The following NAALADL2 variants were observed in gnomAD, a reference collection of about 807,000 sequenced individuals.
The protein encoded by NAALADL2 is inactive N-acetylated-alpha-linked acidic dipeptidase-like protein 2.
In NAALADL2, 76 loss-of-function variants were observed where a neutral mutation model predicts 87.2. The observed-to-expected ratio is 0.87, with a 90% confidence interval of 0.72 to 1.05. The LOEUF is 1.05. Ranked by LOEUF, NAALADL2 falls within the 50% of genes least tolerant of loss-of-function variation. The pLI, the probability that NAALADL2 is intolerant of heterozygous loss-of-function variation, is 0.00. For missense variants in NAALADL2, 1,089 were observed against 945.8 expected (o/e 1.15, Z -1.99); for synonymous variants, 354 against 331.0 (o/e 1.07, Z -0.75).
intron 4 of NAALADL2, among the ~76,000 whole-genome samples, chr3:175,277,635 T>C (rs767633955): frequency 6.6e-6 from 1 of 152,148 alleles, no homozygotes; most frequent in South Asian, 2.1e-4. Flanking sequence ...TACTTAAAAC[T>C]CTTCAATGGA....
intron 11 of NAALADL2, among the ~76,000 whole-genome samples, chr3:175,695,484 G>C (rs1043412391): frequency 6.6e-6 from 1 of 151,728 alleles, no homozygotes; most frequent in South Asian, 2.1e-4. Context: ...TTCATAGTGA[G>C]GTTTAAAAGA....
chr3:175,317,007 A>C (rs1759228617), intron 4 of NAALADL2, among the ~76,000 whole-genome samples: 1 of 152,190 alleles, frequency 6.6e-6, no homozygotes, highest in Non-Finnish European at 1.5e-5. Context: ...TTGCAGGCAG[A>C]CAGTGGAAGA....
chr3:175,468,292 T>A (rs1434625547), intron 8 of NAALADL2, among the ~76,000 whole-genome samples: 1 of 152,050 alleles, frequency 6.6e-6, no homozygotes, highest in Non-Finnish European at 1.5e-5. Flanking sequence ...GTGTGAATGT[T>A]TGGGCCATAT....
chr3:175,472,696 A>G (rs1725078730), intron 9 of NAALADL2, among the ~76,000 whole-genome samples: 1 of 152,172 alleles, frequency 6.6e-6, no homozygotes, highest in South Asian at 2.1e-4. Context: ...TTAGCTTAAT[A>G]GTTTTTATTG....
At chr3:174,659,568 C>T (rs908878202) in intron 2 of NAALADL2, among the ~76,000 whole-genome samples, 3 of 152,158 alleles carry the variant, frequency 2.0e-5, no homozygotes, top group African/African-American at 7.2e-5. Context: ...TTCTCCTTCT[C>T]TCTGCCCTGC....
intron 2 of NAALADL2, among the ~76,000 whole-genome samples, chr3:174,720,404 G>A (rs1388218940): frequency 6.6e-6 from 1 of 151,888 alleles, no homozygotes; most frequent in African/African-American, 2.4e-5. Context: ...GGTAATCTAG[G>A]ATAAATCAGT....
At chr3:175,487,081 C>G (rs1446028181) in intron 9 of NAALADL2, among the ~76,000 whole-genome samples, 3 of 152,136 alleles carry the variant, frequency 2.0e-5, no homozygotes, top group Non-Finnish European at 2.9e-5. Flanking sequence ...AGAGTAAAAG[C>G]CAAAGTCCTT....
intron 5 of NAALADL2, among the ~76,000 whole-genome samples, chr3:175,428,286 T>A (rs1717162903): frequency 6.6e-6 from 1 of 152,170 alleles, no homozygotes; most frequent in Admixed American, 6.6e-5. Flanking sequence ...TCAATAAGTT[T>A]TTTTGAAGAA....
intron 13 of NAALADL2, 130 bp downstream of exon 13, chr3:175,755,548 G>A: frequency 1.7e-6 from 1 of 580,572 alleles, no homozygotes; most frequent in South Asian, 4.7e-5. Flanking sequence ...ACTCATTTGA[G>A]GAACTTCCCC....
At chr3:175,780,023 C>T (rs1750801253) in intron 13 of NAALADL2, among the ~76,000 whole-genome samples, 1 of 151,822 alleles carries the variant, frequency 6.6e-6, no homozygotes, top group Non-Finnish European at 1.5e-5. Context: ...AATCCCAGCA[C>T]TCTGGGAGGC....
intron 1 of NAALADL2, among the ~76,000 whole-genome samples, chr3:174,504,351 G>A (rs925017977): frequency 1.3e-5 from 2 of 152,112 alleles, no homozygotes; most frequent in African/African-American, 2.4e-5. Context: ...GGAATATGGA[G>A]TGATACACTG....
intron 4 of NAALADL2, chr3:175,270,917 G>C (rs1362319834): frequency 6.6e-6 from 1 of 152,110 alleles, no homozygotes; most frequent in Non-Finnish European, 1.5e-5. Flanking sequence ...TTATTTTATT[G>C]CACTAAATAG....
At chr3:174,463,052 A>AT (rs1716305195) in intron 1 of NAALADL2, among the ~76,000 whole-genome samples, 1 of 152,238 alleles carries the variant, frequency 6.6e-6, no homozygotes, top group African/African-American at 2.4e-5. Flanking sequence ...TGTGCAGTGA[A>AT]TCACCTTCTT....
intron 1 of NAALADL2, among the ~76,000 whole-genome samples, chr3:174,957,349 A>C (rs553863956): frequency 6.2e-4 from 94 of 152,010 alleles, no homozygotes; most frequent in Non-Finnish European, 1.2e-3. Context: ...CCTCTTCCTC[A>C]CTGCAGGCTA....
At position 175,809,501 on chromosome 3, in the gene NAALADL2, C is replaced by A; in HGVS notation, c.*6298C>A. ...ATAGCCTGGGCAACAAAGTGAGACCCTGTCTCTCTTAAAAAAAAAAAAAAA... is the reference window on the plus strand; with the variant it reads ...ATAGCCTGGGCAACAAAGTGAGACCATGTCTCTCTTAAAAAAAAAAAAAAA... On this transcript the variant is annotated 3_prime_UTR_variant, in exon 14 of 14. Transcript: ENST00000454872. 9.2e-6 allele frequency: 1 copy of A among 108,228 alleles called. No homozygotes were observed. The highest frequency in any genetic ancestry group is 4.4e-5 in the African/African-American group (1 of 22,956). The allele number at this position is 108,228 out of a possible 1,614,324, so 6.7% of individuals were successfully genotyped here.
intron 10 of NAALADL2, among the ~76,000 whole-genome samples, chr3:175,593,474 G>T (rs768290903): frequency 3.3e-5 from 5 of 152,076 alleles, no homozygotes; most frequent in Non-Finnish European, 7.4e-5. Flanking sequence ...CAGTGTATTC[G>T]TTTCTTGGAG....
At chr3:174,710,256 C>CTT (rs1398539929) in intron 2 of NAALADL2, among the ~76,000 whole-genome samples, 3 of 107,084 alleles carry the variant, frequency 2.8e-5, no homozygotes, top group Non-Finnish European at 3.9e-5. Context: ...TTTTTCTTTT[C>CTT]TTTTTGTTTT....
chr3:175,565,768 C>A (rs1366895247), intron 9 of NAALADL2, among the ~76,000 whole-genome samples: 1 of 151,746 alleles, frequency 6.6e-6, no homozygotes, highest in Non-Finnish European at 1.5e-5. Context: ...TGAAACTGGG[C>A]CATATCTGTT....
At chr3:175,718,892 C>A (rs79685881) in intron 11 of NAALADL2, among the ~76,000 whole-genome samples, 2,292 of 152,052 alleles carry the variant, frequency 0.015, 56 homozygotes, top group African/African-American at 0.049. Context: ...ACCACCACCA[C>A]CAACAACAAC....
Sources: allele counts gnomAD v4.1 joint callset (sites outside exome capture counted in the v4.1 genomes callset), GRCh38; gene constraint gnomAD v4.1.1; transcripts MANE v1.5; gene names NCBI Gene and HGNC (gene_info 2026-07-23, HGNC 2026-07-21).